Variants in ENTREP2 observed in about 807,000 individuals in gnomAD.
ENTREP2 encodes endosomal transmembrane epsin interactor 2, also known as protein ENTREP2.
the ENTREP2 span, among the ~76,000 whole-genome samples, chr15:29,281,596 GGA>G: frequency 6.6e-6 from 1 of 152,206 alleles, no homozygotes; most frequent in South Asian, 2.1e-4. Flanking sequence ...CTGGCAGAGG[GGA>G]AAGCTGGAAA....
chr15:29,135,000 C>T, the ENTREP2 span, among the ~76,000 whole-genome samples: 50 of 152,160 alleles, frequency 3.3e-4, no homozygotes, highest in East Asian at 1.7e-3. Flanking sequence ...CGGGGCTCCA[C>T]GGCTGCTGAG....
chr15:29,224,483 C>T, the ENTREP2 span, among the ~76,000 whole-genome samples: 6 of 152,174 alleles, frequency 3.9e-5, no homozygotes, highest in African/African-American at 9.6e-5. Flanking sequence ...TACAGAGAGC[C>T]GATTGGTCTG....
At chr15:29,213,289 C>T in the ENTREP2 span, among the ~76,000 whole-genome samples, 3 of 151,988 alleles carry the variant, frequency 2.0e-5, no homozygotes, top group Admixed American at 2.0e-4. Context: ...TTTTTGGTTC[C>T]ATATGAACTT....
the ENTREP2 span, among the ~76,000 whole-genome samples, chr15:29,464,823 C>T: frequency 2.4e-3 from 365 of 152,220 alleles, 1 homozygote; most frequent in Non-Finnish European, 3.4e-3. Context: ...GGATGCAGGA[C>T]GGGGAACTTG....
At chr15:29,450,405 A>G in the ENTREP2 span, among the ~76,000 whole-genome samples, 1 of 152,160 alleles carries the variant, frequency 6.6e-6, no homozygotes, top group African/African-American at 2.4e-5. Flanking sequence ...TGATTTTTGT[A>G]TATGGTGAAG....
chr15:29,508,938 G>GT, the ENTREP2 span, among the ~76,000 whole-genome samples: 2 of 152,096 alleles, frequency 1.3e-5, no homozygotes, highest in Non-Finnish European at 2.9e-5. Flanking sequence ...GGGTATTCAA[G>GT]TAGGAAAAGA....
the ENTREP2 span, among the ~76,000 whole-genome samples, chr15:29,460,644 AAAC>A: frequency 6.6e-6 from 1 of 152,198 alleles, no homozygotes; most frequent in African/African-American, 2.4e-5. Context: ...AAACAAAACA[AAAC>A]AACAACAAGA....
At chr15:29,124,680 G>C in the ENTREP2 span, 5 of 1,550,160 alleles carry the variant, frequency 3.2e-6, no homozygotes, top group African/African-American at 1.4e-5. Flanking sequence ...GAAAAGAAGC[G>C]TCTCACCGCT....
the ENTREP2 span, among the ~76,000 whole-genome samples, chr15:29,280,246 C>T: frequency 5.3e-4 from 81 of 152,276 alleles, no homozygotes; most frequent in Middle Eastern, 0.01. Flanking sequence ...TAGGACAGGC[C>T]GACCAACTCA....
chr15:29,428,199 A>G, the ENTREP2 span, among the ~76,000 whole-genome samples: 1 of 152,168 alleles, frequency 6.6e-6, no homozygotes, highest in African/African-American at 2.4e-5. Flanking sequence ...ACTCCGATAC[A>G]CTCAAAAAAC....
the ENTREP2 span, among the ~76,000 whole-genome samples, chr15:29,432,906 AC>A: frequency 6.6e-6 from 1 of 151,912 alleles, no homozygotes; most frequent in Non-Finnish European, 1.5e-5. Flanking sequence ...CTGGGCATCT[AC>A]CCCCAACAGG....
the ENTREP2 span, among the ~76,000 whole-genome samples, chr15:29,291,403 G>T: frequency 3.9e-5 from 6 of 152,146 alleles, no homozygotes; most frequent in African/African-American, 1.4e-4. Flanking sequence ...CAGTTACAAA[G>T]CTGCACAGGC....
the ENTREP2 span, among the ~76,000 whole-genome samples, chr15:29,377,395 G>C: frequency 1.3e-5 from 2 of 152,052 alleles, no homozygotes; most frequent in Admixed American, 6.6e-5. Flanking sequence ...TGTGTGTGTG[G>C]AGAACGGATT....
the ENTREP2 span, chr15:29,123,380 C>G: frequency 9.1e-6 from 14 of 1,545,574 alleles, no homozygotes; most frequent in Non-Finnish European, 1.2e-5. Flanking sequence ...ACGGCCTCCT[C>G]CTCGAGGCGC....
the ENTREP2 span, among the ~76,000 whole-genome samples, chr15:29,647,175 G>A: frequency 6.6e-6 from 1 of 152,166 alleles, no homozygotes; most frequent in Non-Finnish European, 1.5e-5. Flanking sequence ...CTGGTACATT[G>A]CAATTTATGA....
chr15:29,251,402 T>C, the ENTREP2 span, among the ~76,000 whole-genome samples: 2 of 152,254 alleles, frequency 1.3e-5, no homozygotes, highest in African/African-American at 4.8e-5. Context: ...GATCGTTCTA[T>C]CCAACAAACA....
At chr15:29,362,640 G>A in the ENTREP2 span, among the ~76,000 whole-genome samples, 2 of 151,986 alleles carry the variant, frequency 1.3e-5, no homozygotes, top group Non-Finnish European at 2.9e-5. Flanking sequence ...CTCCCAAAGT[G>A]CTAGGATTAC....
chr15:29,619,873 T>C, the ENTREP2 span, among the ~76,000 whole-genome samples: 1 of 152,054 alleles, frequency 6.6e-6, no homozygotes, highest in African/African-American at 2.4e-5. Context: ...GGGCCATCTC[T>C]CATGGCCTCT....
the ENTREP2 span, among the ~76,000 whole-genome samples, chr15:29,519,083 C>T: frequency 6.6e-6 from 1 of 152,058 alleles, no homozygotes; most frequent in African/African-American, 2.4e-5. Flanking sequence ...GAAAACAAGC[C>T]TGCATATTTA....
Sources: gnomAD v4.1 joint callset for allele counts (sites outside exome capture counted in the v4.1 genomes callset) on GRCh38, gnomAD v4.1.1 for gene constraint, MANE v1.5 for transcripts, NCBI Gene and HGNC (gene_info 2026-07-23, HGNC 2026-07-21) for gene names.